Variants in PHF19 observed in about 807,000 individuals in gnomAD.
The protein encoded by PHF19 is polycomb like 3.
PHF19 carries 21 observed loss-of-function variants against 79.8 expected under a neutral mutation model. The observed-to-expected ratio is 0.26, with a 90% CI of 0.19 to 0.38. The LOEUF (loss-of-function observed/expected upper bound fraction) is 0.38, where lower values mean the gene tolerates loss of function less well. Among genes scored for constraint, PHF19 ranks in the 10% least tolerant of loss-of-function variants. The pLI is 1.00. For missense variants in PHF19, 445 were observed against 744.2 expected (o/e 0.60, Z 4.68); for synonymous variants, 273 against 296.3 (o/e 0.92, Z 0.81).
chr9:120,871,324 AAT>A (rs570461800), intron 3 of PHF19, among the ~76,000 whole-genome samples: 27 of 152,336 alleles, frequency 1.8e-4, no homozygotes, highest in African/African-American at 6.0e-4. Context: ...CCAGATACCC[AAT>A]AGTTTTTCCA....
rs747644849 is a variant in PHF19 at position 120,869,964 on chromosome 9, C to T, written c.365-19G>A. ...TGGTAACCTACGGCAGAGGAGGGGG[C>T]GGTGAGCGCCCACAAGGACATCGTG... On this transcript the variant is annotated intron_variant, in intron 4 of 14. Transcript: ENST00000373896. This position sits in a 1 kb window ranked among gnomAD's most constrained non-coding sequence, Gnocchi z 5.8. The T allele has an allele frequency of 4.4e-5, 68 of 1,555,720 alleles. No homozygotes were observed. The highest frequency in any genetic ancestry group is 4.0e-4 in the Middle Eastern group (2 of 5,032).
intron 3 of PHF19, among the ~76,000 whole-genome samples, chr9:120,872,054 A>AG (rs2045916864): frequency 6.7e-6 from 1 of 150,140 alleles, no homozygotes; most frequent in Admixed American, 6.6e-5. Flanking sequence ...AAAAAAAAAA[A>AG]AAAAAAAAAA....
chr9:120,864,229 G>A (rs1292290331), intron 9 of PHF19, 113 bp from the exon 10 acceptor site: 1 of 837,902 alleles, frequency 1.2e-6, no homozygotes, highest in Non-Finnish European at 2.0e-6. Context: ...CTTCAGGTGA[G>A]GACCACTGAC....
In PHF19 at chr9:120,860,243, C is replaced by A. The variant is rs1249930929; in HGVS notation, c.1305-58G>T. 2.1e-6 allele frequency: 2 copies of A among 937,920 alleles called. No individual in the cohort carries two copies. Among genetic ancestry groups the A allele is most frequent in the Non-Finnish European group, 3.4e-6 (2 of 588,836 alleles). The allele number at this position is 937,920 out of a possible 1,614,324, so 58.1% of individuals were successfully genotyped here. Reference sequence around the variant, plus strand: ...GCCCGGCCCAGCAAGTTCCTGCCAACCTGGCCCGCAGGTTCCCCTAACATG... The same window carrying A: ...GCCCGGCCCAGCAAGTTCCTGCCAAACTGGCCCGCAGGTTCCCCTAACATG... On this transcript the variant is annotated intron_variant, in intron 13 of 14. Transcript: ENST00000373896. The surrounding 1 kb of genome is among the most constrained non-coding windows in gnomAD (Gnocchi z 4.1).
upstream of PHF19, among the ~76,000 whole-genome samples, chr9:120,895,330 T>TA (rs2046392185): frequency 6.6e-6 from 1 of 152,008 alleles, no homozygotes; most frequent in African/African-American, 2.4e-5. Flanking sequence ...CTAATGCCAG[T>TA]AATCCTAGCA....
chr9:120,875,510 ACTC>A (rs368270886), intron 1 of PHF19, among the ~76,000 whole-genome samples: 7 of 151,290 alleles, frequency 4.6e-5, no homozygotes, highest in African/African-American at 1.7e-4. Flanking sequence ...TGCATCTCAA[ACTC>A]CTCCAAGCAA....
intron 3 of PHF19, among the ~76,000 whole-genome samples, chr9:120,873,095 A>G (rs1290908636): frequency 6.6e-6 from 1 of 152,226 alleles, no homozygotes; most frequent in Non-Finnish European, 1.5e-5. Flanking sequence ...CTGCAAATGC[A>G]GCTAGTAAGT....
rs2046087809 is a variant in PHF19, at chr9:120,877,164, T to TCGGCCCGCGGCTGCC, written c.-104_-90dup. ...GCATCGGTGGCGGAGGCGGCTGCGCTCGGCCCGCGGCTGCCCGGCCGAGTG... is the reference window on the plus strand; with the variant it reads ...GCATCGGTGGCGGAGGCGGCTGCGCTCGGCCCGCGGCTGCCCGGCCCGCGGCTGCCCGGCCGAGTG... On this transcript the variant is annotated 5_prime_UTR_variant, in exon 1 of 15. Coordinates refer to ENST00000373896, the MANE Select transcript of PHF19 (RefSeq NM_015651.3). 2.0e-6 allele frequency: 2 copies of TCGGCCCGCGGCTGCC among 979,896 alleles called. No individual in the cohort carries two copies. Among genetic ancestry groups the TCGGCCCGCGGCTGCC allele is most frequent in the Admixed American group, 1.3e-4 (2 of 15,846 alleles). The allele number at this position is 979,896 out of a possible 1,614,324, so 60.7% of individuals were successfully genotyped here.
At position 120,860,205 on chromosome 9, in the gene PHF19, G is replaced by GA. The variant is rs1277431729; in HGVS notation, c.1305-21dup. 1.4e-6 allele frequency: 2 copies of GA among 1,430,036 alleles called. No homozygotes were observed. Among genetic ancestry groups the GA allele is most frequent in the Non-Finnish European group, 1.9e-6 (2 of 1,029,342 alleles). The allele number at this position is 1,430,036 out of a possible 1,614,324, so 88.6% of individuals were successfully genotyped here. A position where few individuals can be genotyped will look rare whatever the true frequency, so the allele number is the denominator to read the frequency against. On this transcript the variant is annotated intron_variant, in intron 13 of 14. Coordinates refer to ENST00000373896, the MANE Select transcript of PHF19 (RefSeq NM_015651.3). This position sits in a 1 kb window ranked among gnomAD's most constrained non-coding sequence, Gnocchi z 4.1. ...CTGGCACTGAGAGGGGCAAGACCGT[G>GA]AGCCTGCTGGTGGCCCGGCCCAGCA...
chr9:120,861,935 C>G lies in PHF19; in HGVS notation c.1201G>C (p.Glu401Gln). Residue 401 changes from glutamate (E) to glutamine (Q), a missense_variant, in exon 12 of 15, where the codon GAA becomes CAA. Around this residue, in one of 5 missense-constraint regions of PHF19, gnomAD observed 83 missense variants for 85.5 expected, o/e 0.97. Transcript: ENST00000373896. ...YRRKRSKFLL[E>Q]DAIPSSDFTS... ...GAACTAACACTGGGAATAGCATCTT[C>G]CAGCAAAAACTTTGATCTTTTTCTT... 1.2e-6 allele frequency: 2 copies of G among 1,611,552 alleles called. No individual in the cohort carries two copies. The highest frequency in any genetic ancestry group is 1.7e-6 in the Non-Finnish European group (2 of 1,177,624).
Position 120,866,856 on chromosome 9 carries a change from A to C in PHF19, c.710+14T>G. 6.5e-7 allele frequency: 1 copy of C among 1,542,556 alleles called. No individual in the cohort carries two copies. Among genetic ancestry groups the C allele is most frequent in the Non-Finnish European group, 9.0e-7 (1 of 1,114,960 alleles). ...ACCACGCCCAAGGCCCACTTGGACC[A>C]AATTAGCACCTACCGGTCTCCAAAC... On this transcript the variant is annotated intron_variant, in intron 7 of 14. Coordinates refer to ENST00000373896, the MANE Select transcript of PHF19 (RefSeq NM_015651.3). The surrounding 1 kb of genome is among the most constrained non-coding windows in gnomAD (Gnocchi z 5.2).
intron 1 of PHF19, among the ~76,000 whole-genome samples, chr9:120,892,679 A>G (rs2046357937): frequency 6.6e-6 from 1 of 152,154 alleles, no homozygotes; most frequent in Admixed American, 6.5e-5. Flanking sequence ...GACCTTTCCA[A>G]CTTCTGTTTT....
chr9:120,882,935 T>G (rs1248553897), intron 1 of PHF19, among the ~76,000 whole-genome samples: 1 of 152,096 alleles, frequency 6.6e-6, no homozygotes, highest in East Asian at 1.9e-4. Flanking sequence ...TGGAAGTAAT[T>G]ATTATGCAGG....
At chr9:120,885,754 T>G (rs2046254531) in intron 1 of PHF19, among the ~76,000 whole-genome samples, 1 of 152,168 alleles carries the variant, frequency 6.6e-6, no homozygotes, top group Non-Finnish European at 1.5e-5. Flanking sequence ...GCAGTCCTCT[T>G]GAGTTTTTTA....
At chr9:120,865,858 C>G in intron 8 of PHF19, 28 bp from the exon 9 acceptor site, 1 of 1,613,858 alleles carries the variant, frequency 6.2e-7, no homozygotes. Context: ...GAGGTGGGAC[C>G]AGGTGAGGTG....
At chr9:120,863,065 C>G (rs1364797268) in intron 10 of PHF19, 3 of 347,196 alleles carry the variant, frequency 8.6e-6, no homozygotes, top group Non-Finnish European at 1.6e-5. Flanking sequence ...TACAGTGGAA[C>G]TCCTATGGTC....
At chr9:120,867,316 G>A (rs1564499769) in intron 6 of PHF19, among the ~76,000 whole-genome samples, 1 of 152,196 alleles carries the variant, frequency 6.6e-6, no homozygotes, top group African/African-American at 2.4e-5. Flanking sequence ...ACCATTTCTG[G>A]ACTTGCTGCT....
rs1468535577 is a variant in PHF19 at position 120,877,103 on chromosome 9, TGTCCGCCG to T, written c.-36_-29del. The stretch of plus-strand genomic sequence containing the variant: ...GCGCAGAACTCACCGCGAGGCTGCG[TGTCCGCCG>T]GTCCCACTTGGAGTCTGGCCACCAG... On this transcript the variant is annotated 5_prime_UTR_variant, in exon 1 of 15. Transcript: ENST00000373896. 1 of 985,064 alleles carries T rather than the reference TGTCCGCCG, an allele frequency of 1.0e-6. No homozygotes were observed. Among genetic ancestry groups the T allele is most frequent in the Non-Finnish European group, 1.2e-6 (1 of 829,860 alleles). The allele number at this position is 985,064 out of a possible 1,614,324, so 61.0% of individuals were successfully genotyped here. A position where few individuals can be genotyped will look rare whatever the true frequency, so the allele number is the denominator to read the frequency against.
At chr9:120,884,690 C>T (rs1382001489) in intron 1 of PHF19, among the ~76,000 whole-genome samples, 1 of 150,658 alleles carries the variant, frequency 6.6e-6, no homozygotes, top group Non-Finnish European at 1.5e-5. Flanking sequence ...GGCGGATCAC[C>T]AGAGGCCAGG....
Sources: gnomAD v4.1 joint callset for allele counts (sites outside exome capture counted in the v4.1 genomes callset) on GRCh38, gnomAD v4.1.1 for gene constraint, gnomAD v4.1.1 regional missense constraint, Gnocchi (gnomAD v3.1) non-coding constraint, MANE v1.5 for transcripts, NCBI Gene and HGNC (gene_info 2026-07-23, HGNC 2026-07-21) for gene names.